The following SNX2 variants were observed in gnomAD, a reference collection of about 807,000 sequenced individuals.
The protein encoded by SNX2 is sorting nexin 2.
Under a neutral mutation model 69.9 loss-of-function variants are expected in SNX2, and 25 were observed. The ratio of observed to expected loss-of-function variants is 0.36; its 90% CI spans 0.26 to 0.50. SNX2 has a LOEUF of 0.50. SNX2 is among the 20% of genes least tolerant of loss of function. The pLI, the probability that SNX2 is intolerant of heterozygous loss-of-function variation, is 0.97. For missense variants in SNX2, 551 were observed against 613.3 expected, an observed-to-expected ratio of 0.90 and a Z score of 1.07; for synonymous variants, 229 against 200.4, an observed-to-expected ratio of 1.14 and a Z score of -1.20.
rs1192734450 is a variant in SNX2 at position 122,816,983 on chromosome 5, C to G, written c.867C>G (p.Ala289=). 11 of 1,613,670 alleles carry G rather than the reference C, an allele frequency of 6.8e-6. No homozygotes were observed. Among genetic ancestry groups the G allele is most frequent in the Non-Finnish European group, 8.5e-6 (10 of 1,179,814 alleles). ...AGILRMVNKA[A]DAVNKMTIKM... is the part of the protein sequence containing the mutation. ...TATTGAGGATGGTGAACAAGGCTGC[C>G]GACGCTGTCAACAAAATGACAATCA... Residue 289 remains alanine, a synonymous_variant, in exon 9 of 15, where the codon GCC becomes GCG. Transcript: ENST00000379516.
chr5:122,783,187 C>T (rs1027090736), intron 1 of SNX2, among the ~76,000 whole-genome samples: 2 of 151,924 alleles, frequency 1.3e-5, no homozygotes, highest in African/African-American at 4.8e-5. Flanking sequence ...CCTCGTGATC[C>T]ACCCATCTCG....
intron 1 of SNX2, among the ~76,000 whole-genome samples, chr5:122,786,999 A>T (rs72794687): frequency 0.02 from 3,018 of 152,270 alleles, 57 homozygotes; most frequent in Non-Finnish European, 0.026. Context: ...ACAGATGTCT[A>T]CTCAGTTGTA....
At chr5:122,803,695 T>C (rs1179360532) in intron 6 of SNX2, 82 bp downstream of exon 6, 36 of 1,018,920 alleles carry the variant, frequency 3.5e-5, no homozygotes, top group Non-Finnish European at 4.9e-5. Context: ...GATTTCTTAG[T>C]CATTCACTGT....
intron 7 of SNX2, among the ~76,000 whole-genome samples, chr5:122,813,729 A>G (rs1753832288): frequency 6.6e-6 from 1 of 150,854 alleles, no homozygotes; most frequent in Non-Finnish European, 1.5e-5. Flanking sequence ...AAATTATACA[A>G]GGTATTTCCA....
At chr5:122,780,129 A>C (rs1455726747) in intron 1 of SNX2, among the ~76,000 whole-genome samples, 1 of 152,204 alleles carries the variant, frequency 6.6e-6, no homozygotes, top group African/African-American at 2.4e-5. Flanking sequence ...AGATAGCATT[A>C]GGCAGCTAGG....
chr5:122,808,519 CA>C, intron 7 of SNX2, 164 bp downstream of exon 7: 1 of 523,704 alleles, frequency 1.9e-6, no homozygotes, highest in East Asian at 3.1e-5. Context: ...TTACTTCTTT[CA>C]ACAAAGTACT....
chr5:122,799,897 C>A, intron 3 of SNX2, 42 bp downstream of exon 3: 1 of 1,464,158 alleles, frequency 6.8e-7, no homozygotes, highest in Non-Finnish European at 9.4e-7. Flanking sequence ...AAATATATAC[C>A]TTTTTTCCCC....
chr5:122,775,366 G>T (rs751015419), intron 1 of SNX2, 155 bp downstream of exon 1: 52 of 1,375,938 alleles, frequency 3.8e-5, no homozygotes, highest in Non-Finnish European at 4.7e-5. Context: ...CCTGTCAGAG[G>T]GATGTGCTTG....
rs539822199 is a variant in SNX2, at chr5:122,775,279, A to T, written c.108+68A>T. Reference sequence around the variant, plus strand: ...CGCGTCTCACCTTTCCCCTGCCCCGACTTGTCCCTCCCCATCCCCCGTGTT... The same window carrying T: ...CGCGTCTCACCTTTCCCCTGCCCCGTCTTGTCCCTCCCCATCCCCCGTGTT... On this transcript the variant is annotated intron_variant, in intron 1 of 14. Coordinates refer to ENST00000379516, the MANE Select transcript of SNX2 (RefSeq NM_003100.4). 3.9e-5 allele frequency: 58 copies of T among 1,480,140 alleles called. No individual in the cohort carries two copies. In the East Asian group the frequency reaches 1.6e-3, roughly 41 times the overall value. 91.7% of individuals were successfully genotyped at this position (1,480,140 alleles called of 1,614,324 possible).
chr5:122,777,631 C>T (rs1752883764), intron 1 of SNX2, among the ~76,000 whole-genome samples: 1 of 152,134 alleles, frequency 6.6e-6, no homozygotes, highest in African/African-American at 2.4e-5. Flanking sequence ...GCTTCAATGG[C>T]ATAATTGTTA....
At chr5:122,783,063 A>C (rs1753011816) in intron 1 of SNX2, among the ~76,000 whole-genome samples, 1 of 151,340 alleles carries the variant, frequency 6.6e-6, no homozygotes, top group African/African-American at 2.4e-5. Context: ...CAACCTCCTG[A>C]ATAGCTGGGA....
At chr5:122,804,628 A>G (rs1379759061) in intron 6 of SNX2, among the ~76,000 whole-genome samples, 3 of 152,118 alleles carry the variant, frequency 2.0e-5, no homozygotes, top group Admixed American at 6.5e-5. Context: ...TGGCGTCCCA[A>G]AGTGCTGGGA....
rs952870896 is a variant in SNX2, at chr5:122,830,766, T to C, written c.*1118T>C. Among the ~76,000 whole-genome samples the C allele has an allele frequency of 6.6e-6, 1 of 152,120 alleles. No individual in the cohort carries two copies. The highest frequency in any genetic ancestry group is 1.5e-5 in the Non-Finnish European group (1 of 68,012). The stretch of plus-strand genomic sequence containing the variant: ...GCTCACGCCTGTAATCCTAGCACTT[T>C]GGGAGGCTGAGGTGGGTGGATCACC... On this transcript the variant is annotated 3_prime_UTR_variant, in exon 15 of 15. Coordinates refer to ENST00000379516, the MANE Select transcript of SNX2 (RefSeq NM_003100.4).
intron 1 of SNX2, among the ~76,000 whole-genome samples, chr5:122,781,120 T>C (rs989003483): frequency 8.5e-5 from 13 of 152,226 alleles, no homozygotes; most frequent in Non-Finnish European, 1.9e-4. Context: ...AAAAATAAGT[T>C]ATTTTATGAA....
chr5:122,811,521 A>G (rs1753775644), intron 7 of SNX2, among the ~76,000 whole-genome samples: 1 of 152,174 alleles, frequency 6.6e-6, no homozygotes, highest in South Asian at 2.1e-4. Context: ...AATTACTTAC[A>G]TGCATTTGTC....
chr5:122,815,700 A>G, intron 7 of SNX2, 196 bp from the exon 8 acceptor site: 1 of 380,216 alleles, frequency 2.6e-6, no homozygotes, highest in Middle Eastern at 7.2e-4. Context: ...TGGATAGTAT[A>G]TCAATTTTCA....
chr5:122,827,290 C>T lies in SNX2; in HGVS notation c.1357-89C>T, dbSNP rs1266969597. 2.8e-6 allele frequency: 3 copies of T among 1,058,730 alleles called. No homozygotes were observed. The East Asian group carries it at 7.6e-5, about 27-fold the overall frequency. The allele number at this position is 1,058,730 out of a possible 1,614,324, so 65.6% of individuals were successfully genotyped here. A position where few individuals can be genotyped will look rare whatever the true frequency, so the allele number is the denominator to read the frequency against. The stretch of plus-strand genomic sequence containing the variant: ...CAATATTGAGCTTTCTCAGGATTTT[C>T]AGGCATTGTGATTAAATTAAGTGAG... On this transcript the variant is annotated intron_variant, in intron 12 of 14. Coordinates refer to ENST00000379516, the MANE Select transcript of SNX2 (RefSeq NM_003100.4).
At chr5:122,791,920 A>G (rs1046080283) in intron 1 of SNX2, among the ~76,000 whole-genome samples, 1 of 152,248 alleles carries the variant, frequency 6.6e-6, no homozygotes, top group Non-Finnish European at 1.5e-5. Flanking sequence ...GATAATACTT[A>G]TAATGTGGTA....
At chr5:122,824,786 A>G (rs1365568237) in intron 11 of SNX2, among the ~76,000 whole-genome samples, 2 of 152,214 alleles carry the variant, frequency 1.3e-5, no homozygotes, top group South Asian at 2.1e-4. Flanking sequence ...TGGTATAGAA[A>G]GCTTAACAGT....
Sources: gnomAD v4.1 joint callset for allele counts (sites outside exome capture counted in the v4.1 genomes callset) on GRCh38, gnomAD v4.1.1 for gene constraint, MANE v1.5 for transcripts, NCBI Gene and HGNC (gene_info 2026-07-23, HGNC 2026-07-21) for gene names.